Variants in CADM2 observed in about 807,000 individuals in gnomAD.
The protein encoded by CADM2 is immunoglobulin superfamily member 4D.
In CADM2, 12 loss-of-function variants were observed where a neutral mutation model predicts 49.8. The ratio of observed to expected loss-of-function variants is 0.24; its 90% CI spans 0.15 to 0.39. CADM2 has a LOEUF of 0.39. Ranked by LOEUF, CADM2 falls within the 10% of genes least tolerant of loss-of-function variation. CADM2 has a pLI of 1.00. For synonymous variants in CADM2, 214 were observed against 175.4 expected, an observed-to-expected ratio of 1.22 and a Z score of -1.74; for missense variants, 378 against 492.3, an observed-to-expected ratio of 0.77 and a Z score of 2.20.
intron 1 of CADM2, among the ~76,000 whole-genome samples, chr3:85,543,420 A>ATGTGTGTGGGTGTGTGTGTGTGTGTGTG (rs372108050): frequency 2.5e-4 from 33 of 129,640 alleles, no homozygotes; most frequent in East Asian, 1.1e-3. Context: ...TGCCAAGCTA[A>ATGTGTGTGGGTGTGTGTGTGTGTGTGTG]TGTGTGTGTG....
chr3:85,643,442 G>A (rs1021291651), intron 1 of CADM2, among the ~76,000 whole-genome samples: 1 of 152,092 alleles, frequency 6.6e-6, no homozygotes, highest in Admixed American at 6.6e-5. Context: ...AAATATGAGC[G>A]AAAGATTGAC....
At chr3:85,261,833 T>A (rs1202170139) in intron 1 of CADM2, among the ~76,000 whole-genome samples, 1 of 152,068 alleles carries the variant, frequency 6.6e-6, no homozygotes, top group Non-Finnish European at 1.5e-5. Context: ...CAAAGTCACC[T>A]TTTTCCCCTA....
chr3:85,367,626 T>A (rs9853563), intron 1 of CADM2, among the ~76,000 whole-genome samples: 5 of 151,932 alleles, frequency 3.3e-5, no homozygotes, highest in African/African-American at 1.2e-4. Flanking sequence ...AGAAAAAGAA[T>A]TGACATAATA....
chr3:85,822,766 G>A (rs185841375), intron 3 of CADM2, among the ~76,000 whole-genome samples: 7 of 152,072 alleles, frequency 4.6e-5, no homozygotes, highest in Admixed American at 2.0e-4. Flanking sequence ...TTTCATATGT[G>A]GATCTTATGT....
intron 1 of CADM2, among the ~76,000 whole-genome samples, chr3:85,650,040 T>C (rs1289452513): frequency 2.0e-5 from 3 of 152,178 alleles, no homozygotes; most frequent in Admixed American, 1.3e-4. Flanking sequence ...TGTAATTAAA[T>C]TGGGCTTGGC....
intron 1 of CADM2, among the ~76,000 whole-genome samples, chr3:85,216,947 T>C (rs1461791079): frequency 5.3e-5 from 8 of 152,090 alleles, no homozygotes; most frequent in Non-Finnish European, 1.2e-4. Context: ...TTTTGCATTA[T>C]ATTATTCCAT....
At chr3:85,744,417 T>C (rs2068525562) in intron 2 of CADM2, among the ~76,000 whole-genome samples, 1 of 152,092 alleles carries the variant, frequency 6.6e-6, no homozygotes, top group Non-Finnish European at 1.5e-5. Context: ...GGAGATCGCA[T>C]TTACTCTGAA....
chr3:85,507,912 T>G (rs959593690), intron 1 of CADM2, among the ~76,000 whole-genome samples: 2 of 100,762 alleles, frequency 2.0e-5, no homozygotes, highest in African/African-American at 5.7e-5. Context: ...AGTTACTGTT[T>G]ACCTGAGTTG....
intron 1 of CADM2, among the ~76,000 whole-genome samples, chr3:85,323,995 G>A (rs929198852): frequency 2.0e-5 from 3 of 152,216 alleles, no homozygotes; most frequent in Non-Finnish European, 4.4e-5. Flanking sequence ...GCTAGTGTGC[G>A]GAAGACAAGC....
intron 8 of CADM2, among the ~76,000 whole-genome samples, chr3:86,042,674 T>A (rs533544821): frequency 6.6e-6 from 1 of 152,272 alleles, no homozygotes; most frequent in African/African-American, 2.4e-5. Flanking sequence ...GTACCATTCC[T>A]TCTGAAACTA....
chr3:85,831,932 C>A (rs1285672553), intron 3 of CADM2, among the ~76,000 whole-genome samples: 3 of 151,868 alleles, frequency 2.0e-5, no homozygotes, highest in Non-Finnish European at 4.4e-5. Context: ...CTTAGGTTTT[C>A]TTCTAGAATT....
At chr3:85,854,852 T>A (rs933075833) in intron 3 of CADM2, among the ~76,000 whole-genome samples, 1 of 152,182 alleles carries the variant, frequency 6.6e-6, no homozygotes, top group African/African-American at 2.4e-5. Context: ...GATCTCCACC[T>A]GTCCTCCTTG....
chr3:85,152,912 C>T (rs12497304), intron 1 of CADM2, among the ~76,000 whole-genome samples: 4,558 of 147,444 alleles, frequency 0.031, 100 homozygotes, highest in East Asian at 0.046. Flanking sequence ...TGCAGTGAGC[C>T]GAGATGGCAC....
chr3:85,198,664 CATT>C (rs983573424), intron 1 of CADM2, among the ~76,000 whole-genome samples: 6 of 151,786 alleles, frequency 4.0e-5, no homozygotes, highest in Non-Finnish European at 7.4e-5. Flanking sequence ...AATTTTAACT[CATT>C]ATTTTATCAA....
intron 1 of CADM2, among the ~76,000 whole-genome samples, chr3:85,084,844 C>A (rs953434177): frequency 2.0e-5 from 3 of 151,630 alleles, no homozygotes; most frequent in East Asian, 1.9e-4. Context: ...TTGATTTTTT[C>A]TTTTTTAAGT....
chr3:85,312,034 G>T (rs2044357814), intron 1 of CADM2, among the ~76,000 whole-genome samples: 1 of 152,110 alleles, frequency 6.6e-6, no homozygotes, highest in Non-Finnish European at 1.5e-5. Context: ...GTTCTACGGT[G>T]TGAATTATTT....
intron 1 of CADM2, among the ~76,000 whole-genome samples, chr3:85,641,940 T>TA (rs1360949311): frequency 6.6e-5 from 10 of 151,268 alleles, no homozygotes; most frequent in South Asian, 2.1e-4. Flanking sequence ...CAAAAAAAAT[T>TA]AAAAAAAAGA....
At chr3:85,053,173 T>A (rs1366761719) in intron 1 of CADM2, among the ~76,000 whole-genome samples, 3 of 152,026 alleles carry the variant, frequency 2.0e-5, no homozygotes, top group Non-Finnish European at 4.4e-5. Context: ...AAGGCTAAAA[T>A]GTTCAGAGCT....
At chr3:85,168,127 CT>C (rs2040521922) in intron 1 of CADM2, among the ~76,000 whole-genome samples, 1 of 152,114 alleles carries the variant, frequency 6.6e-6, no homozygotes, top group South Asian at 2.1e-4. Context: ...TCGATCTGGG[CT>C]CTTTGCAACC....
Sources: allele counts gnomAD v4.1 joint callset (sites outside exome capture counted in the v4.1 genomes callset), GRCh38; gene constraint gnomAD v4.1.1; transcripts MANE v1.5; gene names NCBI Gene and HGNC (gene_info 2026-07-23, HGNC 2026-07-21).